SEMA3E: variants seen among roughly 807,000 people sequenced by gnomAD.
The protein encoded by SEMA3E is semaphorin-3E.
In SEMA3E, 49 loss-of-function variants were observed where a neutral mutation model predicts 93.6. The ratio of observed to expected loss-of-function variants is 0.52; its 90% confidence interval spans 0.42 to 0.66. The LOEUF is 0.66. SEMA3E is among the 30% of genes least tolerant of loss of function. The pLI, the probability that SEMA3E is intolerant of heterozygous loss-of-function variation, is 0.00. For synonymous variants in SEMA3E, 363 were observed against 330.7 expected, an observed-to-expected ratio of 1.10 and a Z score of -1.06; for missense variants, 906 against 964.8, an observed-to-expected ratio of 0.94 and a Z score of 0.81.
chr7:83,484,891 T>C (rs1453057399), intron 2 of SEMA3E, among the ~76,000 whole-genome samples: 1 of 152,070 alleles, frequency 6.6e-6, no homozygotes, highest in African/African-American at 2.4e-5. Flanking sequence ...GCTAAATAAA[T>C]GAATCAAGGG....
Position 83,390,065 on chromosome 7 carries a change from ATATGCG to A in SEMA3E, c.1667+2484_1667+2489del, listed in dbSNP as rs1562758499. Among the ~76,000 whole-genome samples, 905 of 121,338 alleles carry A rather than the reference ATATGCG, an allele frequency of 7.5e-3. 44 individuals are homozygous for A. The highest frequency in any genetic ancestry group is 0.019 in the Middle Eastern group (4 of 212). The allele number at this position is 121,338 out of a possible 152,430, so 79.6% of individuals were successfully genotyped here. A position where few individuals can be genotyped will look rare whatever the true frequency, so the allele number is the denominator to read the frequency against. ...TATATGCGCGTATACGTGTGCACAT[ATATGCG>A]CGTATACGTGTGCACATATATGCGC... On this transcript the variant is annotated intron_variant, in intron 14 of 16. Coordinates refer to ENST00000643230, the MANE Select transcript of SEMA3E (RefSeq NM_012431.3).
intron 1 of SEMA3E, among the ~76,000 whole-genome samples, chr7:83,494,559 G>A (rs1163200538): frequency 6.6e-6 from 1 of 151,768 alleles, no homozygotes; most frequent in Non-Finnish European, 1.5e-5. Context: ...GCAATGAACA[G>A]AGATTAAATT....
intron 2 of SEMA3E, among the ~76,000 whole-genome samples, chr7:83,482,263 A>T (rs534217796): frequency 2.6e-5 from 4 of 152,202 alleles, no homozygotes; most frequent in African/African-American, 9.6e-5. Flanking sequence ...CTGTGATAAT[A>T]AGCACAGTAA....
intron 1 of SEMA3E, among the ~76,000 whole-genome samples, chr7:83,557,361 A>T (rs1791919178): frequency 1.3e-5 from 2 of 151,570 alleles, no homozygotes; most frequent in South Asian, 4.1e-4. Context: ...AATAAGTATC[A>T]ACATAAATAT....
intron 1 of SEMA3E, among the ~76,000 whole-genome samples, chr7:83,565,994 TC>T (rs1792141391): frequency 7.9e-6 from 1 of 125,814 alleles, no homozygotes; most frequent in African/African-American, 3.3e-5. Context: ...ATGTTTCCAC[TC>T]TTTTTTTTTT....
intron 1 of SEMA3E, among the ~76,000 whole-genome samples, chr7:83,616,194 T>C (rs189047584): frequency 1.3e-5 from 2 of 152,274 alleles, no homozygotes; most frequent in Admixed American, 6.5e-5. Flanking sequence ...AGAGAGTATA[T>C]GTATTACAAA....
Position 83,367,960 on chromosome 7 carries a change from A to T in SEMA3E, c.1954T>A (p.Tyr652Asn). 6.2e-7 allele frequency: 1 copy of T among 1,613,624 alleles called. No homozygotes were observed. The highest frequency in any genetic ancestry group is 8.5e-7 in the Non-Finnish European group (1 of 1,179,820). ...CTATGCTCTACTGTCTGGCAAAAATAGGTCCCAGCATCTGATTTGTGTAAC... is the reference window on the plus strand; with the variant it reads ...CTATGCTCTACTGTCTGGCAAAAATTGGTCCCAGCATCTGATTTGTGTAAC... ...LRLHKSDAGT[Y>N]FCQTVEHSFV... is the part of the protein sequence containing the mutation. Residue 652 changes from tyrosine (Y) to asparagine (N), a missense_variant, in exon 17 of 17, where the codon TAT becomes AAT. Physicochemically the swap from Tyr to Asn is moderately radical, Grantham distance 143 (BLOSUM62 -2). Transcript: ENST00000643230.
intron 1 of SEMA3E, among the ~76,000 whole-genome samples, chr7:83,639,813 C>T (rs1425187606): frequency 6.6e-6 from 1 of 151,318 alleles, no homozygotes; most frequent in African/African-American, 2.4e-5. Context: ...AAGTCTATAC[C>T]CTTTCCACTA....
intron 4 of SEMA3E, among the ~76,000 whole-genome samples, chr7:83,438,757 C>T (rs961749750): frequency 2.6e-5 from 4 of 151,686 alleles, no homozygotes; most frequent in African/African-American, 9.7e-5. Context: ...TAAAAGTAGG[C>T]ATTTATATAT....
intron 16 of SEMA3E, among the ~76,000 whole-genome samples, chr7:83,376,068 T>C (rs1023466368): frequency 2.0e-5 from 3 of 152,092 alleles, no homozygotes; most frequent in African/African-American, 7.2e-5. Flanking sequence ...ATGAGCACAT[T>C]TTTTAAATAG....
At chr7:83,631,893 T>A (rs1793792879) in intron 1 of SEMA3E, among the ~76,000 whole-genome samples, 1 of 152,200 alleles carries the variant, frequency 6.6e-6, no homozygotes. Flanking sequence ...CAGTGGCTTA[T>A]GCCTGTAATC....
chr7:83,372,097 A>C, intron 16 of SEMA3E: 1 of 392,834 alleles, frequency 2.5e-6, no homozygotes, highest in Non-Finnish European at 4.5e-6. Flanking sequence ...AGAACATACT[A>C]ATTCATTTTT....
intron 6 of SEMA3E, among the ~76,000 whole-genome samples, chr7:83,407,941 A>G (rs1252370594): frequency 6.6e-6 from 1 of 152,156 alleles, no homozygotes; most frequent in African/African-American, 2.4e-5. Context: ...ACTCTGTATC[A>G]ATGAATGTCT....
At chr7:83,487,067 T>C (rs1364631303) in intron 2 of SEMA3E, among the ~76,000 whole-genome samples, 1 of 152,082 alleles carries the variant, frequency 6.6e-6, no homozygotes, top group Non-Finnish European at 1.5e-5. Flanking sequence ...TACCCTTATA[T>C]AGTTTTCACA....
intron 1 of SEMA3E, among the ~76,000 whole-genome samples, chr7:83,543,474 G>A (rs1174732652): frequency 6.6e-6 from 1 of 152,036 alleles, no homozygotes; most frequent in African/African-American, 2.4e-5. Flanking sequence ...ACTCAAAGTT[G>A]TGTTTTGATT....
In SEMA3E at chr7:83,611,333, T is replaced by C. The variant is rs1048705696; in HGVS notation, c.115+37095A>G. On this transcript the variant is annotated intron_variant, in intron 1 of 16. Transcript: ENST00000643230. The stretch of plus-strand genomic sequence containing the variant: ...TAAATTTATGTATAATATATAAATT[T>C]ATATATTATATATAATATATGTGTA... 6.2e-5 allele frequency among the ~76,000 whole-genome samples: 9 copies of C among 144,608 alleles called. 1 individual carries two copies. Among genetic ancestry groups the C allele is most frequent in the Admixed American group, 7.1e-5 (1 of 14,088 alleles). The allele number at this position is 144,608 out of a possible 152,430, so 94.9% of individuals were successfully genotyped here.
intron 12 of SEMA3E, among the ~76,000 whole-genome samples, chr7:83,395,794 G>A (rs984865687): frequency 3.9e-5 from 6 of 151,982 alleles, no homozygotes; most frequent in African/African-American, 1.4e-4. Context: ...CTTCATTCAG[G>A]CATGGATTAT....
intron 4 of SEMA3E, among the ~76,000 whole-genome samples, chr7:83,448,586 T>C (rs1176275431): frequency 6.6e-6 from 1 of 152,226 alleles, no homozygotes; most frequent in Non-Finnish European, 1.5e-5. Context: ...GAGTCATTGT[T>C]TCAGCAAATG....
chr7:83,460,093 T>C (rs1034571923), intron 4 of SEMA3E, among the ~76,000 whole-genome samples: 10 of 152,164 alleles, frequency 6.6e-5, no homozygotes, highest in African/African-American at 2.2e-4. Context: ...GCCTGTTTGG[T>C]GGTCTCTTCA....
Sources: gnomAD v4.1 joint callset for allele counts (sites outside exome capture counted in the v4.1 genomes callset) on GRCh38, gnomAD v4.1.1 for gene constraint, MANE v1.5 for transcripts, NCBI Gene and HGNC (gene_info 2026-07-23, HGNC 2026-07-21) for gene names.